PKP4: variants seen among roughly 807,000 people sequenced by gnomAD.
The protein encoded by PKP4 is plakophilin-4.
In PKP4, 90 loss-of-function variants were observed where a neutral mutation model predicts 145.1. The ratio of observed to expected loss-of-function variants is 0.62; its 90% CI spans 0.52 to 0.74. PKP4 has a LOEUF of 0.74. PKP4 is among the 30% of genes least tolerant of loss of function. The pLI, the probability that PKP4 is intolerant of heterozygous loss-of-function variation, is 0.00. For missense variants in PKP4, 1,340 were observed against 1,482.7 expected (o/e 0.90, Z 1.58); for synonymous variants, 563 against 577.2 (o/e 0.98, Z 0.35).
Position 158,577,384 on chromosome 2 carries a change from G to T in PKP4, c.245+1G>T, listed in dbSNP as rs1450689672. ...AATCACCAAGCATCGCCAGCACCAG[G>T]TACAGGGCCAATGGCTCCATCTTTA... On this transcript the variant is annotated splice_donor_variant, in intron 3 of 21. Coordinates refer to ENST00000389759, the MANE Select transcript of PKP4 (RefSeq NM_003628.6). LOFTEE classifies it high-confidence loss of function. 2 of 1,594,496 alleles carry T rather than the reference G, an allele frequency of 1.3e-6. No individual in the cohort carries two copies. The highest frequency in any genetic ancestry group is 1.7e-6 in the Non-Finnish European group (2 of 1,163,632).
chr2:158,671,833 A>T lies in PKP4; in HGVS notation c.2925-1844A>T, dbSNP rs537231914. ...ATAATGTCAGGGTGGGTGGTGGGCC[A>T]TGCTGGGGAGAGGAATGCTAGTCAA... On this transcript the variant is annotated intron_variant, in intron 17 of 21. Coordinates refer to ENST00000389759, the MANE Select transcript of PKP4 (RefSeq NM_003628.6). Among the ~76,000 whole-genome samples the T allele has an allele frequency of 5.3e-5, 8 of 152,352 alleles. No homozygotes were observed. The South Asian group carries it at 1.7e-3, about 32-fold the overall frequency.
At chr2:158,569,219 C>T (rs1203537515) in intron 2 of PKP4, among the ~76,000 whole-genome samples, 2 of 152,190 alleles carry the variant, frequency 1.3e-5, no homozygotes, top group Non-Finnish European at 2.9e-5. Flanking sequence ...CTCTCTGCTT[C>T]ATTAAAACTG....
At chr2:158,661,164 G>T in intron 12 of PKP4, 169 bp from the exon 13 acceptor site, 6 of 539,180 alleles carry the variant, frequency 1.1e-5, no homozygotes, top group African/African-American at 1.9e-5. Context: ...ATGGGGAGCG[G>T]GCCATCATTG....
chr2:158,678,490 C>T, intron 20 of PKP4, 91 bp from the exon 21 acceptor site: 1 of 872,036 alleles, frequency 1.1e-6, no homozygotes, highest in South Asian at 1.4e-5. Flanking sequence ...CTGTCGGGGA[C>T]AGTGCTAGCC....
intron 1 of PKP4, among the ~76,000 whole-genome samples, chr2:158,519,532 GC>G (rs2042188778): frequency 6.6e-6 from 1 of 152,124 alleles, no homozygotes; most frequent in African/African-American, 2.4e-5. Context: ...AGGCCTGAGA[GC>G]CTCAAGTCTG....
intron 3 of PKP4, among the ~76,000 whole-genome samples, chr2:158,582,393 A>C (rs910893727): frequency 2.0e-5 from 3 of 152,246 alleles, no homozygotes; most frequent in African/African-American, 7.2e-5. Flanking sequence ...ACCTTTCAAA[A>C]TACAAAAATT....
At chr2:158,463,760 G>A (rs1425404882) in intron 1 of PKP4, among the ~76,000 whole-genome samples, 1 of 152,150 alleles carries the variant, frequency 6.6e-6, no homozygotes, top group East Asian at 1.9e-4. Context: ...AAGGATTTAT[G>A]ACAATTTACC....
rs2009397 is a variant in PKP4, at chr2:158,484,326, C to A, written c.-6+27108C>A. On this transcript the variant is annotated intron_variant, in intron 1 of 21. Coordinates refer to ENST00000389759, the MANE Select transcript of PKP4 (RefSeq NM_003628.6). ...CCTCCCAAAGTGCTGGGATTACAGG[C>A]GTGAGCCACCGCGCCCGGCCTGCAC... is the stretch of plus-strand genomic sequence containing the variant. Among the ~76,000 whole-genome samples, 759 of 152,286 alleles carry A rather than the reference C, an allele frequency of 5.0e-3. 5 individuals carry two copies. The highest frequency in any genetic ancestry group is 0.018 in the African/African-American group (730 of 41,552).
intron 9 of PKP4, among the ~76,000 whole-genome samples, chr2:158,638,060 AT>A (rs2053963149): frequency 6.6e-6 from 1 of 152,218 alleles, no homozygotes; most frequent in Non-Finnish European, 1.5e-5. Flanking sequence ...TGTATTTGTA[AT>A]GATTGTGAGT....
chr2:158,559,010 A>T (rs888380358), intron 2 of PKP4, among the ~76,000 whole-genome samples: 1 of 152,174 alleles, frequency 6.6e-6, no homozygotes, highest in African/African-American at 2.4e-5. Flanking sequence ...CTCACCTGGT[A>T]TGTAGGATGT....
intron 1 of PKP4, among the ~76,000 whole-genome samples, chr2:158,518,502 AT>A (rs1181672132): frequency 6.6e-6 from 1 of 152,214 alleles, no homozygotes; most frequent in African/African-American, 2.4e-5. Flanking sequence ...TCCCCCTGAG[AT>A]AAATGAGAAC....
intron 3 of PKP4, among the ~76,000 whole-genome samples, chr2:158,586,569 C>T (rs189190029): frequency 1.1e-3 from 163 of 152,290 alleles, no homozygotes; most frequent in Admixed American, 3.2e-3. Flanking sequence ...CGGAAACCCT[C>T]GGGATCTCTA....
intron 1 of PKP4, chr2:158,458,128 C>G (rs1005589376): frequency 1.3e-5 from 2 of 153,038 alleles, no homozygotes; most frequent in Non-Finnish European, 2.9e-5. Flanking sequence ...CAGCGGTAGT[C>G]AGGTGTGTGT....
chr2:158,573,193 A>T (rs1467689493), intron 2 of PKP4, among the ~76,000 whole-genome samples: 1 of 152,256 alleles, frequency 6.6e-6, no homozygotes, highest in Admixed American at 6.5e-5. Context: ...GATTAGCTAG[A>T]TCTACATGTA....
At chr2:158,574,302 A>G (rs1226158986) in intron 2 of PKP4, among the ~76,000 whole-genome samples, 2 of 152,194 alleles carry the variant, frequency 1.3e-5, no homozygotes, top group African/African-American at 4.8e-5. Flanking sequence ...AAAAGAACAA[A>G]TATAAGCTCC....
chr2:158,615,610 G>A (rs1379176563), intron 4 of PKP4, among the ~76,000 whole-genome samples: 1 of 151,980 alleles, frequency 6.6e-6, no homozygotes, highest in South Asian at 2.1e-4. Flanking sequence ...TATTTTTAAT[G>A]GTTTTATATT....
rs10690465 is a variant in PKP4, at chr2:158,565,435, C to CTTTT, written c.133-11823_133-11820dup. Among the ~76,000 whole-genome samples, 994 of 135,724 alleles carry CTTTT rather than the reference C, an allele frequency of 7.3e-3. 8 individuals carry two copies. Among genetic ancestry groups the CTTTT allele is most frequent in the Non-Finnish European group, 9.6e-3 (618 of 64,502 alleles). The allele number at this position is 135,724 out of a possible 152,430, so 89.0% of individuals were successfully genotyped here. On this transcript the variant is annotated intron_variant, in intron 2 of 21. Coordinates refer to ENST00000389759, the MANE Select transcript of PKP4 (RefSeq NM_003628.6). ...AACTTCTTTTTCTTCTTCTTTTTTC[C>CTTTT]TTTTTTTTTTTTTTTTCCTTTTCTG...
chr2:158,582,544 A>G (rs1191759201), intron 3 of PKP4, among the ~76,000 whole-genome samples: 1 of 152,224 alleles, frequency 6.6e-6, no homozygotes. Context: ...TGGTAAAGAC[A>G]AAAACGCTAA....
chr2:158,643,021 C>A (rs2105935040), intron 11 of PKP4, among the ~76,000 whole-genome samples: 1 of 152,240 alleles, frequency 6.6e-6, no homozygotes, highest in Middle Eastern at 3.4e-3. Context: ...AATAGACTAT[C>A]CTATATTATG....
Sources: allele counts gnomAD v4.1 joint callset (sites outside exome capture counted in the v4.1 genomes callset), GRCh38; gene constraint gnomAD v4.1.1; transcripts MANE v1.5; gene names NCBI Gene and HGNC (gene_info 2026-07-23, HGNC 2026-07-21).